Variants in NOL10 observed in about 807,000 individuals in gnomAD.
The protein encoded by NOL10 is nucleolar protein 10.
Under a neutral mutation model 103.5 loss-of-function variants are expected in NOL10, and 58 were observed. The observed-to-expected ratio is 0.56, with a 90% CI of 0.45 to 0.70. The LOEUF is 0.70. Ranked by LOEUF, NOL10 falls within the 30% of genes least tolerant of loss-of-function variation. The probability of loss-of-function intolerance (pLI) is 0.00; values close to 1 mark genes in which losing one functional copy is unlikely to be tolerated. For synonymous variants in NOL10, 287 were observed against 282.5 expected (o/e 1.02, Z -0.16); for missense variants, 763 against 807.3 (o/e 0.95, Z 0.67).
chr2:10,637,999 T>G (rs911242604), intron 13 of NOL10, among the ~76,000 whole-genome samples: 1 of 152,160 alleles, frequency 6.6e-6, no homozygotes, highest in Non-Finnish European at 1.5e-5. Flanking sequence ...ATAAAATAAC[T>G]GGCCAGGTGC....
At chr2:10,640,326 A>C (rs892049102) in intron 13 of NOL10, among the ~76,000 whole-genome samples, 9 of 152,212 alleles carry the variant, frequency 5.9e-5, no homozygotes, top group African/African-American at 2.2e-4. Flanking sequence ...AGCAGTTTCC[A>C]AGTAAAGACA....
At chr2:10,668,976 T>G (rs1214727531) in intron 6 of NOL10, among the ~76,000 whole-genome samples, 2 of 152,152 alleles carry the variant, frequency 1.3e-5, no homozygotes, top group African/African-American at 4.8e-5. Context: ...AGATGGAGAA[T>G]ACAAGATCCA....
intron 1 of NOL10, among the ~76,000 whole-genome samples, chr2:10,688,625 A>G (rs1369423228): frequency 6.6e-6 from 1 of 152,226 alleles, no homozygotes; most frequent in East Asian, 1.9e-4. Context: ...GCTCTCTTCT[A>G]ATCATTCACC....
At chr2:10,580,344 T>TCCCTCCCCCTCCTCTC (rs1674679219) in intron 19 of NOL10, among the ~76,000 whole-genome samples, 1 of 151,806 alleles carries the variant, frequency 6.6e-6, no homozygotes, top group Non-Finnish European at 1.5e-5. Context: ...AATTGGCCTT[T>TCCCTCCCCCTCCTCTC]CCCTCCCCCT....
At chr2:10,668,934 G>A (rs559846957) in intron 6 of NOL10, among the ~76,000 whole-genome samples, 6 of 152,190 alleles carry the variant, frequency 3.9e-5, no homozygotes, top group African/African-American at 1.4e-4. Context: ...AAGGAAATAT[G>A]AAGTCATTAC....
intron 3 of NOL10, among the ~76,000 whole-genome samples, chr2:10,679,752 G>A (rs757788406): frequency 3.3e-4 from 50 of 151,956 alleles, no homozygotes; most frequent in Non-Finnish European, 6.6e-4. Flanking sequence ...CAGCCTCCAA[G>A]TAGCTGGAAT....
At chr2:10,681,167 T>C (rs1681728451) in intron 3 of NOL10, among the ~76,000 whole-genome samples, 1 of 152,148 alleles carries the variant, frequency 6.6e-6, no homozygotes, top group Non-Finnish European at 1.5e-5. Context: ...CGATTGTTCA[T>C]AGTGCTTTAT....
chr2:10,628,968 C>T (rs1359273776), intron 13 of NOL10, among the ~76,000 whole-genome samples: 2 of 152,114 alleles, frequency 1.3e-5, no homozygotes, highest in Non-Finnish European at 2.9e-5. Flanking sequence ...CACGTTTTCT[C>T]GGTTGAGAAA....
intron 13 of NOL10, among the ~76,000 whole-genome samples, chr2:10,630,179 A>T (rs1010854833): frequency 2.6e-5 from 4 of 152,214 alleles, no homozygotes; most frequent in African/African-American, 9.7e-5. Flanking sequence ...ATGAGAAATG[A>T]CTGAATGAGT....
chr2:10,608,138 C>A (rs1302374585), intron 13 of NOL10, among the ~76,000 whole-genome samples: 2 of 152,028 alleles, frequency 1.3e-5, no homozygotes. Flanking sequence ...AAATATCATG[C>A]GGTACACAAC....
In NOL10 at chr2:10,673,520, C is replaced by T; in HGVS notation, c.327G>A (p.Lys109=). 2 of 1,595,458 alleles carry T rather than the reference C, an allele frequency of 1.3e-6. No homozygotes were observed. Among genetic ancestry groups the T allele is most frequent in the Non-Finnish European group, 1.7e-6 (2 of 1,169,644 alleles). The change falls in exon 5 of 21, where the codon AAG becomes AAA. Residue 109 remains lysine (K), a splice_region_variant and synonymous_variant. Transcript: ENST00000381685. Reference sequence around the variant, plus strand: ...TACAAACCAATGCTATAAAACATACCTTTGAGTAGTCATCAGACAAAATTT... The same window carrying T: ...TACAAACCAATGCTATAAAACATACTTTTGAGTAGTCATCAGACAAAATTT... ...TFEILSDDYS[K]IVFLHNDRYI... is the part of the protein sequence containing the mutation.
At position 10,589,679 on chromosome 2, in the gene NOL10, C is replaced by T; in HGVS notation, c.1495G>A (p.Glu499Lys). Reference sequence around the variant, plus strand: ...TTCAGAAGCCTAAATTCTTCACTCTCTTCATCTACTTGGAAGTCAGGGTTC... The same window carrying T: ...TTCAGAAGCCTAAATTCTTCACTCTTTTCATCTACTTGGAAGTCAGGGTTC... ...FENPDFQVDE[E>K]SEEFRLLNPL... The change falls in exon 18 of 21, where the codon GAG (glutamate) becomes AAG (lysine). Residue 499 changes from glutamate to lysine, a missense_variant. Physicochemically the swap from Glu to Lys is moderately conservative, Grantham distance 56. Transcript: ENST00000381685. 1 of 1,587,434 alleles carries T rather than the reference C, an allele frequency of 6.3e-7. No individual in the cohort carries two copies. Among genetic ancestry groups the T allele is most frequent in the Non-Finnish European group, 8.6e-7 (1 of 1,168,180 alleles).
chr2:10,682,070 C>A lies in NOL10; in HGVS notation c.113-1G>T. 7.0e-7 allele frequency: 1 copy of A among 1,429,342 alleles called. No homozygotes were observed. 88.5% of individuals were successfully genotyped at this position (1,429,342 alleles called of 1,614,324 possible). On this transcript the variant is annotated splice_acceptor_variant, in intron 2 of 20. Transcript: ENST00000381685. LOFTEE classifies it high-confidence loss of function. ...ATAAGTTCAATTCTCCTACGGACAT[C>A]TAAAAAGAGAGAAAAAAACAACTAG...
chr2:10,587,699 G>T (rs894317070), intron 19 of NOL10, among the ~76,000 whole-genome samples: 2 of 152,062 alleles, frequency 1.3e-5, no homozygotes, highest in African/African-American at 4.8e-5. Flanking sequence ...GAATTTTGAG[G>T]TGCTTCTGAA....
intron 3 of NOL10, among the ~76,000 whole-genome samples, chr2:10,680,075 GACCAGCCT>G (rs1681625788): frequency 1.3e-5 from 2 of 150,844 alleles, no homozygotes; most frequent in Admixed American, 1.3e-4. Context: ...AGGAGTTCGA[GACCAGCCT>G]GGCCAACATG....
At chr2:10,689,394 G>A (rs139495324) in intron 1 of NOL10, among the ~76,000 whole-genome samples, 1 of 152,246 alleles carries the variant, frequency 6.6e-6, no homozygotes, top group African/African-American at 2.4e-5. Flanking sequence ...CTAAGACCTG[G>A]CAAATGATAG....
intron 13 of NOL10, among the ~76,000 whole-genome samples, chr2:10,625,129 G>T (rs11685786): frequency 0.037 from 5,685 of 152,268 alleles, 209 homozygotes; most frequent in African/African-American, 0.094. Flanking sequence ...GGTGGAGGAA[G>T]GGATGAACAG....
chr2:10,586,901 T>C (rs1019588225), intron 19 of NOL10, among the ~76,000 whole-genome samples: 2 of 150,864 alleles, frequency 1.3e-5, no homozygotes, highest in Admixed American at 6.6e-5. Flanking sequence ...CAGTAGGCTA[T>C]TAGTAGTAAA....
chr2:10,622,261 T>A, intron 13 of NOL10: 1 of 450,484 alleles, frequency 2.2e-6, no homozygotes, highest in Non-Finnish European at 4.6e-6. Context: ...TTGATTTACG[T>A]GCTGACCAAA....
Sources: gnomAD v4.1 joint callset for allele counts (sites outside exome capture counted in the v4.1 genomes callset) on GRCh38, gnomAD v4.1.1 for gene constraint, MANE v1.5 for transcripts, NCBI Gene and HGNC (gene_info 2026-07-23, HGNC 2026-07-21) for gene names.